TXNDC11: variants seen among roughly 807,000 people sequenced by gnomAD.
TXNDC11 encodes thioredoxin domain containing 11.
In TXNDC11, 68 loss-of-function variants were observed where a neutral mutation model predicts 78.0. The observed-to-expected ratio is 0.87, with a 90% CI of 0.72 to 1.07. The LOEUF is 1.07. Among genes scored for constraint, TXNDC11 ranks in the 50% least tolerant of loss-of-function variants. The pLI, the probability that TXNDC11 is intolerant of heterozygous loss-of-function variation, is 0.00. For missense variants in TXNDC11, 1,389 were observed against 1,221.8 expected (o/e 1.14, Z -2.04); for synonymous variants, 571 against 495.2 (o/e 1.15, Z -2.03).
At chr16:11,713,003 C>T (rs929372066) in intron 5 of TXNDC11, among the ~76,000 whole-genome samples, 1 of 149,864 alleles carries the variant, frequency 6.7e-6, no homozygotes, top group Non-Finnish European at 1.5e-5. Context: ...ATCCCAGCTA[C>T]TTGGGAGGCA....
chr16:11,741,112 C>A (rs1362490547), intron 1 of TXNDC11, among the ~76,000 whole-genome samples: 1 of 152,140 alleles, frequency 6.6e-6, no homozygotes, highest in African/African-American at 2.4e-5. Flanking sequence ...GACGGAGAAA[C>A]CCTGCTGACA....
chr16:11,713,205 T>G (rs2051419035), intron 5 of TXNDC11, among the ~76,000 whole-genome samples: 1 of 148,898 alleles, frequency 6.7e-6, no homozygotes, highest in African/African-American at 2.5e-5. Flanking sequence ...GAGGATCACC[T>G]GAGCCTGGGG....
rs1334973470 is a variant in TXNDC11, at chr16:11,730,737, C to T, written c.607G>A (p.Val203Ile). Residue 203 changes from valine (V) to isoleucine (I), a missense_variant, in exon 4 of 12, where the codon GTT becomes ATT. By Grantham distance (29) the Val-to-Ile change is conservative (BLOSUM62 3). Coordinates refer to ENST00000283033, the MANE Select transcript of TXNDC11 (RefSeq NM_015914.7). The part of the protein sequence containing the change: ...PIEYKGPMSA[V>I]YIEKFVRRVM... ...CGGCGGACAAACTTCTCAATGTAAA[C>T]AGCACTCATGGGGCCTTTGTATTCG... 1.2e-6 allele frequency: 2 copies of T among 1,613,134 alleles called. No individual in the cohort carries two copies. Among genetic ancestry groups the T allele is most frequent in the Non-Finnish European group, 1.7e-6 (2 of 1,179,452 alleles).
At chr16:11,732,838 C>T (rs2052095278) in intron 3 of TXNDC11, among the ~76,000 whole-genome samples, 11 of 152,036 alleles carry the variant, frequency 7.2e-5, no homozygotes, top group Admixed American at 7.2e-4. Flanking sequence ...GCTATAAATC[C>T]CCATTGATTA....
In TXNDC11 at chr16:11,698,224, GC is replaced by G; in HGVS notation, c.1007del (p.Gly336AlafsTer6). ...TLFRWLRPHG[G>X]KSLLLNNELK... ...GCTCGTTATTCAGCAGGAGACTCTT[GC>G]CTCCGTGTGGCCGCAGCCACCGAAA... is the stretch of plus-strand genomic sequence containing the variant. On this transcript the variant is annotated frameshift_variant, in exon 7 of 12. Coordinates refer to ENST00000283033, the MANE Select transcript of TXNDC11 (RefSeq NM_015914.7). LOFTEE classifies it high-confidence loss of function. The G allele has an allele frequency of 2.5e-6, 4 of 1,614,224 alleles. No homozygotes were observed. The highest frequency in any genetic ancestry group is 3.4e-6 in the Non-Finnish European group (4 of 1,180,018).
intron 1 of TXNDC11, among the ~76,000 whole-genome samples, chr16:11,741,720 A>G (rs1020172992): frequency 3.3e-5 from 5 of 152,192 alleles, no homozygotes; most frequent in Non-Finnish European, 7.3e-5. Context: ...CGTCCGGCAC[A>G]TAGTAGGTGC....
chr16:11,702,243 T>A (rs2051052218), intron 5 of TXNDC11, among the ~76,000 whole-genome samples: 1 of 152,196 alleles, frequency 6.6e-6, no homozygotes, highest in Admixed American at 6.5e-5. Flanking sequence ...TTCATTTTTT[T>A]TCATGGAGTA....
At chr16:11,730,887 T>C (rs1437015770) in intron 3 of TXNDC11, 113 bp from the exon 4 acceptor site, 5 of 826,640 alleles carry the variant, frequency 6.0e-6, no homozygotes, top group Admixed American at 3.6e-5. Flanking sequence ...GTGTCTTGCT[T>C]TGGGATCCAA....
intron 6 of TXNDC11, 131 bp downstream of exon 6, chr16:11,700,321 A>G: frequency 2.1e-6 from 1 of 469,508 alleles, no homozygotes. Context: ...AGAACTCTCC[A>G]TCCATATATA....
At chr16:11,685,132 G>A (rs2050530014) in intron 10 of TXNDC11, among the ~76,000 whole-genome samples, 1 of 152,230 alleles carries the variant, frequency 6.6e-6, no homozygotes, top group Non-Finnish European at 1.5e-5. Context: ...GGGAGGCCGA[G>A]GTGGGTGGAC....
At chr16:11,683,365 C>A (rs888710065) in intron 11 of TXNDC11, among the ~76,000 whole-genome samples, 6 of 152,168 alleles carry the variant, frequency 3.9e-5, no homozygotes, top group Non-Finnish European at 8.8e-5. Context: ...TGGGAGAAAA[C>A]CCCTTTGTAG....
intron 1 of TXNDC11, among the ~76,000 whole-genome samples, chr16:11,736,753 A>C (rs952001587): frequency 1.3e-5 from 2 of 152,238 alleles, no homozygotes; most frequent in South Asian, 2.1e-4. Flanking sequence ...AGTAACAATT[A>C]AACAATAATA....
rs149436873 is a variant in TXNDC11, at chr16:11,700,474, T to C, written c.884A>G (p.His295Arg). Reference protein sequence around the residue: ...SLVHSGSVYLHRHFNTSLVFP... With the variant: ...SLVHSGSVYLRRHFNTSLVFP... ...TACAAGTGATGTGTTGAAATGTCTA[T>C]GTAAATACACACTTCCAGAGTGTAC... The change falls in exon 6 of 12, where the codon CAT becomes CGT. Residue 295 changes from histidine (H) to arginine (R), a missense_variant. Coordinates refer to ENST00000283033, the MANE Select transcript of TXNDC11 (RefSeq NM_015914.7). 8 of 1,562,324 alleles carry C rather than the reference T, an allele frequency of 5.1e-6. No homozygotes were observed. Among genetic ancestry groups the C allele is most frequent in the South Asian group, 4.5e-5 (4 of 88,456 alleles).
Position 11,687,960 on chromosome 16 carries a change from G to A in TXNDC11, c.2050C>T (p.Leu684Phe), listed in dbSNP as rs779563408. The change falls in exon 10 of 12, where the codon CTC becomes TTC. Residue 684 changes from leucine (L) to phenylalanine (F), a missense_variant. By Grantham distance (22) the Leu-to-Phe change is conservative (BLOSUM62 0). Coordinates refer to ENST00000283033, the MANE Select transcript of TXNDC11 (RefSeq NM_015914.7). ...CACCACGGAGCGTAATAGAGCAGGA[G>A]AACGTCCTGTGGGAAAGGGAAGACA... ...WEVVLQKQDV[L>F]LLYYAPWCGF... 2 of 1,611,614 alleles carry A rather than the reference G, an allele frequency of 1.2e-6. No homozygotes were observed. Among genetic ancestry groups the A allele is most frequent in the South Asian group, 1.1e-5 (1 of 90,928 alleles).
At chr16:11,717,530 G>A (rs1597466571) in intron 5 of TXNDC11, among the ~76,000 whole-genome samples, 1 of 147,926 alleles carries the variant, frequency 6.8e-6, no homozygotes, top group African/African-American at 2.5e-5. Context: ...AAGTAAAAAA[G>A]GCTAACACAG....
intron 5 of TXNDC11, among the ~76,000 whole-genome samples, chr16:11,714,611 G>A (rs563099415): frequency 5.2e-4 from 79 of 151,452 alleles, no homozygotes; most frequent in African/African-American, 1.9e-3. Flanking sequence ...CTGCACTCCA[G>A]CCTGGGCGAC....
rs770561279 is a variant in TXNDC11, at chr16:11,688,379, G to C, written c.1967C>G (p.Ser656Cys). The C allele has an allele frequency of 2.7e-5, 44 of 1,613,814 alleles. No homozygotes were observed. The highest frequency in any genetic ancestry group is 3.7e-5 in the Non-Finnish European group (44 of 1,179,806). Residue 656 changes from serine (S) to cysteine (C), a missense_variant, in exon 9 of 12, where the codon TCT (serine) becomes TGT (cysteine). Physicochemically the swap from Ser to Cys is moderately radical, Grantham distance 112. Coordinates refer to ENST00000283033, the MANE Select transcript of TXNDC11 (RefSeq NM_015914.7). ...PLKRHLIGSG[S>C]AQFPSQHLIT... Reference sequence around the variant, plus strand: ...TAAATGCTGAGACGGGAACTGGGCAGAGCCACTTCCAATGAGATGCCTTTT... The same window carrying C: ...TAAATGCTGAGACGGGAACTGGGCACAGCCACTTCCAATGAGATGCCTTTT...
At chr16:11,721,322 C>G (rs8058003) in intron 5 of TXNDC11, 1 of 238,916 alleles carries the variant, frequency 4.2e-6, no homozygotes, top group African/African-American at 2.3e-5. Context: ...ACCTATGTAA[C>G]TCCAGCTACT....
chr16:11,735,890 T>G, intron 2 of TXNDC11, 127 bp downstream of exon 2: 1 of 813,912 alleles, frequency 1.2e-6, no homozygotes, highest in Non-Finnish European at 2.0e-6. Context: ...GCTCTGTAAC[T>G]TAGAAACGAC....
Sources: allele counts gnomAD v4.1 joint callset (sites outside exome capture counted in the v4.1 genomes callset), GRCh38; gene constraint gnomAD v4.1.1; transcripts MANE v1.5; gene names NCBI Gene and HGNC (gene_info 2026-07-23, HGNC 2026-07-21).